The following PIK3CD variants were observed in gnomAD, a reference collection of about 807,000 sequenced individuals.
PIK3CD encodes the protein phosphatidylinositol-4,5-bisphosphate 3-kinase catalytic subunit delta.
Under a neutral mutation model 122.9 loss-of-function variants are expected in PIK3CD, and 20 were observed. That is an observed-to-expected ratio of 0.16 (90% CI 0.11 to 0.24). PIK3CD has a LOEUF of 0.24. Ranked by LOEUF, PIK3CD falls within the 10% of genes least tolerant of loss-of-function variation. The pLI, the probability that PIK3CD is intolerant of heterozygous loss-of-function variation, is 1.00. For synonymous variants in PIK3CD, 596 were observed against 593.4 expected, an observed-to-expected ratio of 1.00 and a Z score of -0.06; for missense variants, 787 against 1,406.3, an observed-to-expected ratio of 0.56 and a Z score of 7.04.
chr1:9,699,115 C>T (rs1646527433), intron 2 of PIK3CD, among the ~76,000 whole-genome samples: 1 of 152,142 alleles, frequency 6.6e-6, no homozygotes, highest in South Asian at 2.1e-4. Context: ...GAGGCTGAGG[C>T]AGGAGGATCT....
At chr1:9,681,673 G>C (rs1463487304) in intron 1 of PIK3CD, among the ~76,000 whole-genome samples, 1 of 152,202 alleles carries the variant, frequency 6.6e-6, no homozygotes, top group Admixed American at 6.5e-5. Context: ...GGCTCCAAAA[G>C]TGCTGGGATT....
In PIK3CD at chr1:9,678,371, G is replaced by A. The variant is rs561983106; in HGVS notation, c.-137-13096G>A. 4.6e-5 allele frequency among the ~76,000 whole-genome samples: 7 copies of A among 152,088 alleles called. No homozygotes were observed. In the South Asian group the frequency reaches 8.3e-4, roughly 18 times the overall value. ...CTCGAGAGGCTGAGGCGGGAGGATC[G>A]CTTGAGTCCGGGAGGTTGAGGCTGC... On this transcript the variant is annotated intron_variant, in intron 1 of 23. Transcript: ENST00000377346.
intron 1 of PIK3CD, among the ~76,000 whole-genome samples, chr1:9,684,153 T>C (rs756916627): frequency 6.6e-6 from 1 of 151,992 alleles, no homozygotes; most frequent in African/African-American, 2.4e-5. Context: ...CCCACTAGAT[T>C]TAAGAGGAGG....
At position 9,718,055 on chromosome 1, in the gene PIK3CD, A is replaced by C. The variant is rs1259530439; in HGVS notation, c.1020+429A>C. The stretch of plus-strand genomic sequence containing the variant: ...GCCTCAACCTCTAGGGGCTGAGCCC[A>C]CCTCCCTGTTGTCTCTTAACACTTT... On this transcript the variant is annotated intron_variant, in intron 8 of 23. Transcript: ENST00000377346. This position sits in a 1 kb window ranked among gnomAD's most constrained non-coding sequence, Gnocchi z 7.2. 6.3e-6 allele frequency: 3 copies of C among 475,982 alleles called. No homozygotes were observed. Among genetic ancestry groups the C allele is most frequent in the Non-Finnish European group, 8.3e-6 (2 of 240,754 alleles). The allele number at this position is 475,982 out of a possible 1,614,324, so 29.5% of individuals were successfully genotyped here.
At chr1:9,683,055 TGG>T (rs753764771) in intron 1 of PIK3CD, among the ~76,000 whole-genome samples, 3,378 of 138,232 alleles carry the variant, frequency 0.024, 190 homozygotes, top group African/African-American at 0.09. Flanking sequence ...TTTTTTTTTT[TGG>T]GGGGCTGGGT....
the PIK3CD span, among the ~76,000 whole-genome samples, chr1:9,635,888 T>C: frequency 5.9e-5 from 9 of 152,210 alleles, no homozygotes; most frequent in African/African-American, 2.2e-4. Context: ...CATGTGAGCA[T>C]CTGGCTGCCA....
chr1:9,670,100 G>A (rs1645277580), intron 1 of PIK3CD, among the ~76,000 whole-genome samples: 1 of 150,466 alleles, frequency 6.6e-6, no homozygotes, highest in African/African-American at 2.5e-5. Context: ...CTTGAACCTG[G>A]GAGGCAGAGG....
In PIK3CD at chr1:9,724,188, C is replaced by T; in HGVS notation, c.2719-88C>T. ...TAGCACACAGCTCTGTGGCAGGGGTCCCCCAGCCCTGCTGGCTTCCTGTCT... is the reference window on the plus strand; with the variant it reads ...TAGCACACAGCTCTGTGGCAGGGGTTCCCCAGCCCTGCTGGCTTCCTGTCT... On this transcript the variant is annotated intron_variant, in intron 21 of 23. Transcript: ENST00000377346. The surrounding 1 kb of genome is among the most constrained non-coding windows in gnomAD (Gnocchi z 7.3). 1 of 1,611,216 alleles carries T rather than the reference C, an allele frequency of 6.2e-7. No individual in the cohort carries two copies. The highest frequency in any genetic ancestry group is 8.5e-7 in the Non-Finnish European group (1 of 1,178,056).
At chr1:9,685,423 A>C (rs1419422175) in intron 1 of PIK3CD, among the ~76,000 whole-genome samples, 2 of 151,694 alleles carry the variant, frequency 1.3e-5, no homozygotes, top group African/African-American at 4.8e-5. Context: ...CAGTGGCTCG[A>C]TCTGGGCTCA....
chr1:9,676,356 C>G (rs888357881), intron 1 of PIK3CD, among the ~76,000 whole-genome samples: 19 of 152,200 alleles, frequency 1.2e-4, no homozygotes, highest in African/African-American at 4.3e-4. Flanking sequence ...GCCACCGTGC[C>G]CAGCCTAGTT....
Position 9,721,119 on chromosome 1 carries a change from C to G in PIK3CD, c.1690-8C>G. The G allele has an allele frequency of 1.2e-6, 2 of 1,609,014 alleles. No individual in the cohort carries two copies. Among genetic ancestry groups the G allele is most frequent in the Non-Finnish European group, 1.7e-6 (2 of 1,179,020 alleles). ...GCCGCCCCCAAGCCTGACCTCGGCT[C>G]CCCCCAGATGCTCTACCTGCTGTGC... On this transcript the variant is annotated splice_region_variant and splice_polypyrimidine_tract_variant and intron_variant, in intron 13 of 23. Transcript: ENST00000377346.
chr1:9,659,922 T>G (rs764730034), intron 1 of PIK3CD, among the ~76,000 whole-genome samples: 7 of 152,118 alleles, frequency 4.6e-5, no homozygotes, highest in Non-Finnish European at 1.0e-4. Context: ...GGCTAATTTT[T>G]GTATTTTTTT....
At chr1:9,655,563 C>T (rs1245795106) in intron 1 of PIK3CD, among the ~76,000 whole-genome samples, 2 of 151,240 alleles carry the variant, frequency 1.3e-5, no homozygotes, top group Middle Eastern at 6.8e-3. Flanking sequence ...GTGAAAGTTC[C>T]CCTTCCAGCT....
the PIK3CD span, among the ~76,000 whole-genome samples, chr1:9,646,052 G>A: frequency 9.9e-5 from 15 of 152,100 alleles, no homozygotes; most frequent in African/African-American, 3.1e-4. Context: ...GATTACAGGC[G>A]GGAGCCACCG....
chr1:9,727,570 G>T lies in PIK3CD; in HGVS notation c.*524G>T. On this transcript the variant is annotated 3_prime_UTR_variant, in exon 24 of 24. Coordinates refer to ENST00000377346, the MANE Select transcript of PIK3CD (RefSeq NM_005026.5). Reference sequence around the variant, plus strand: ...GCTCTCCACTTTTCAAGTGGGTCTTGGGTACGAGAATTCCCTCATCTTTCT... The same window carrying T: ...GCTCTCCACTTTTCAAGTGGGTCTTTGGTACGAGAATTCCCTCATCTTTCT... 4.3e-6 allele frequency: 1 copy of T among 234,720 alleles called. No homozygotes were observed. The allele number at this position is 234,720 out of a possible 1,614,324, so 14.5% of individuals were successfully genotyped here.
chr1:9,655,508 C>CA (rs1553157064), intron 1 of PIK3CD, among the ~76,000 whole-genome samples: 5 of 132,828 alleles, frequency 3.8e-5, no homozygotes, highest in African/African-American at 1.4e-4. Flanking sequence ...ACCAAAATAA[C>CA]GGCCATTCTC....
chr1:9,669,325 ATTTTTGTAGC>A (rs1425684308), intron 1 of PIK3CD, among the ~76,000 whole-genome samples: 2 of 151,876 alleles, frequency 1.3e-5, no homozygotes, highest in Non-Finnish European at 2.9e-5. Context: ...CACCCGGGTA[ATTTTTGTAGC>A]TTTTTGTAGA....
Position 9,716,442 on chromosome 1 carries a change from G to A in PIK3CD, c.603G>A (p.Glu201=). Residue 201 remains glutamate (E), a splice_region_variant and synonymous_variant, in exon 6 of 24, where the codon GAG becomes GAA. Transcript: ENST00000377346. ...LVNVKFEGSE[E]SFTFQVSTKD... Reference sequence around the variant, plus strand: ...ACTGACCTCCCTCCTCCCCACAGGAGAGCTTCACCTTCCAGGTGTCCACCA... The same window carrying A: ...ACTGACCTCCCTCCTCCCCACAGGAAAGCTTCACCTTCCAGGTGTCCACCA... The A allele has an allele frequency of 1.2e-6, 2 of 1,611,038 alleles. No homozygotes were observed. The highest frequency in any genetic ancestry group is 1.7e-6 in the Non-Finnish European group (2 of 1,179,916).
At chr1:9,709,137 C>T (rs1204138070) in intron 2 of PIK3CD, among the ~76,000 whole-genome samples, 13 of 152,006 alleles carry the variant, frequency 8.6e-5, no homozygotes, top group Non-Finnish European at 1.6e-4. Context: ...TCAAGCGATT[C>T]TCCTGTGTCA....
Sources: gnomAD v4.1 joint callset for allele counts (sites outside exome capture counted in the v4.1 genomes callset) on GRCh38, gnomAD v4.1.1 for gene constraint, Gnocchi (gnomAD v3.1) non-coding constraint, MANE v1.5 for transcripts, NCBI Gene and HGNC (gene_info 2026-07-23, HGNC 2026-07-21) for gene names.